NARS2: variants seen among roughly 807,000 people sequenced by gnomAD.
The protein encoded by NARS2 is asparaginyl-tRNA synthetase 2, mitochondrial.
In NARS2, 60 loss-of-function variants were observed where a neutral mutation model predicts 62.9. The observed-to-expected ratio is 0.95, with a 90% confidence interval of 0.77 to 1.18. The LOEUF is 1.18. NARS2 is among the 50% of genes most tolerant of loss of function. NARS2 has a pLI of 0.00. For missense variants in NARS2, 619 were observed against 576.4 expected, an observed-to-expected ratio of 1.07 and a Z score of -0.76; for synonymous variants, 196 against 200.0, an observed-to-expected ratio of 0.98 and a Z score of 0.17.
At chr11:78,517,407 G>A (rs1272994726) in intron 6 of NARS2, among the ~76,000 whole-genome samples, 3 of 152,156 alleles carry the variant, frequency 2.0e-5, no homozygotes, top group Non-Finnish European at 4.4e-5. Context: ...GTGGGGAGCT[G>A]AGCAAAGAAT....
At chr11:78,488,629 A>G (rs1285484720) in intron 7 of NARS2, among the ~76,000 whole-genome samples, 2 of 152,238 alleles carry the variant, frequency 1.3e-5, no homozygotes, top group African/African-American at 2.4e-5. Context: ...GACGTGTTAT[A>G]GCAGCAATAG....
intron 11 of NARS2, among the ~76,000 whole-genome samples, chr11:78,453,236 T>C (rs945291859): frequency 6.6e-6 from 1 of 152,178 alleles, no homozygotes; most frequent in Non-Finnish European, 1.5e-5. Flanking sequence ...CAATTCCACT[T>C]TGGGTACATC....
intron 11 of NARS2, among the ~76,000 whole-genome samples, chr11:78,452,408 A>AT (rs749720602): frequency 5.4e-4 from 77 of 143,476 alleles, no homozygotes; most frequent in African/African-American, 5.9e-4. Context: ...TGTCTGGCCG[A>AT]TTTTTTTTTT....
At chr11:78,441,266 G>A (rs1339057835) in intron 12 of NARS2, 149 bp from the exon 13 acceptor site, 2 of 626,532 alleles carry the variant, frequency 3.2e-6, no homozygotes, top group Non-Finnish European at 5.4e-6. Flanking sequence ...ATATAGTTGA[G>A]GAGCTGAAAC....
chr11:78,506,093 T>C (rs916471041), intron 6 of NARS2, among the ~76,000 whole-genome samples: 1 of 152,008 alleles, frequency 6.6e-6, no homozygotes, highest in African/African-American at 2.4e-5. Flanking sequence ...AGTAAGCACA[T>C]GAAAAAAATG....
intron 6 of NARS2, among the ~76,000 whole-genome samples, chr11:78,516,567 T>C (rs909511151): frequency 2.6e-5 from 4 of 152,126 alleles, no homozygotes; most frequent in Non-Finnish European, 5.9e-5. Flanking sequence ...GTCACGAAGG[T>C]TGAAATTATA....
intron 7 of NARS2, among the ~76,000 whole-genome samples, chr11:78,485,002 A>T (rs1859511139): frequency 6.6e-6 from 1 of 152,198 alleles, no homozygotes; most frequent in African/African-American, 2.4e-5. Context: ...TCAGTGATAG[A>T]CTGGATACTG....
chr11:78,464,511 G>T (rs937863517), intron 11 of NARS2, among the ~76,000 whole-genome samples: 1 of 152,094 alleles, frequency 6.6e-6, no homozygotes, highest in South Asian at 2.1e-4. Flanking sequence ...GGTTCTCCAC[G>T]TCCCCACCAG....
intron 7 of NARS2, 64 bp from the exon 8 acceptor site, chr11:78,478,747 A>G: frequency 1.0e-6 from 1 of 966,826 alleles, no homozygotes. Flanking sequence ...CCTGTTCAGG[A>G]CTCAATAAGG....
intron 11 of NARS2, among the ~76,000 whole-genome samples, chr11:78,455,205 A>G (rs1391825203): frequency 2.6e-5 from 4 of 152,018 alleles, no homozygotes; most frequent in Non-Finnish European, 4.4e-5. Context: ...TATCTGTAAC[A>G]CTCCAATCTC....
At chr11:78,468,329 G>GAA (rs1330685376) in intron 10 of NARS2, among the ~76,000 whole-genome samples, 3 of 90,832 alleles carry the variant, frequency 3.3e-5, no homozygotes, top group African/African-American at 1.3e-4. Flanking sequence ...AAAAAAAAAA[G>GAA]AAAAAAAAGA....
intron 5 of NARS2, among the ~76,000 whole-genome samples, chr11:78,529,178 C>T (rs1033898984): frequency 6.6e-6 from 1 of 152,120 alleles, no homozygotes; most frequent in African/African-American, 2.4e-5. Flanking sequence ...ACCAAAGTAC[C>T]TTTGTCACAA....
chr11:78,561,108 T>C (rs1449757539), intron 4 of NARS2, among the ~76,000 whole-genome samples: 1 of 152,170 alleles, frequency 6.6e-6, no homozygotes, highest in African/African-American at 2.4e-5. Context: ...TTTTTTTAAA[T>C]CACACACCTA....
chr11:78,507,116 C>T (rs1269500115), intron 6 of NARS2, among the ~76,000 whole-genome samples: 1 of 152,022 alleles, frequency 6.6e-6, no homozygotes, highest in Non-Finnish European at 1.5e-5. Flanking sequence ...CACAGAGATA[C>T]AGAGAGGCAG....
chr11:78,554,834 G>C (rs1444024708), intron 5 of NARS2, among the ~76,000 whole-genome samples: 1 of 152,206 alleles, frequency 6.6e-6, no homozygotes, highest in African/African-American at 2.4e-5. Flanking sequence ...GCATCCTATA[G>C]TCTTCTGCTG....
intron 7 of NARS2, among the ~76,000 whole-genome samples, chr11:78,485,892 G>C (rs980740795): frequency 2.2e-4 from 33 of 151,998 alleles, no homozygotes; most frequent in Non-Finnish European, 1.0e-4. Context: ...ACTATTTTTT[G>C]AGACGGAGTC....
intron 12 of NARS2, 128 bp downstream of exon 12, chr11:78,443,533 G>A (rs1010829538): frequency 1.9e-6 from 1 of 530,866 alleles, no homozygotes. Flanking sequence ...CAAGGACATA[G>A]AGAATCTGAG....
chr11:78,475,569 T>C (rs1172878223), intron 9 of NARS2, among the ~76,000 whole-genome samples: 1 of 150,680 alleles, frequency 6.6e-6, no homozygotes, highest in Non-Finnish European at 1.5e-5. Flanking sequence ...CCAACACCTG[T>C]TATCATTTGA....
chr11:78,531,146 C>G (rs1341113622), intron 5 of NARS2, among the ~76,000 whole-genome samples: 1 of 151,668 alleles, frequency 6.6e-6, no homozygotes, highest in Non-Finnish European at 1.5e-5. Context: ...AAAAAATGAA[C>G]AAAACTGTCA....
Sources: gnomAD v4.1 joint callset for allele counts (sites outside exome capture counted in the v4.1 genomes callset) on GRCh38, gnomAD v4.1.1 for gene constraint, MANE v1.5 for transcripts, NCBI Gene and HGNC (gene_info 2026-07-23, HGNC 2026-07-21) for gene names.